Variants in SP5 observed in about 807,000 individuals in gnomAD.
SP5 encodes the protein Sp5 transcription factor.
In SP5, 12 loss-of-function variants were observed where a neutral mutation model predicts 27.4. The observed-to-expected ratio is 0.44, with a 90% CI of 0.28 to 0.71. The LOEUF (loss-of-function observed/expected upper bound fraction) is 0.71, where lower values mean the gene tolerates loss of function less well. SP5 is among the 30% of genes least tolerant of loss of function. SP5 has a pLI of 0.15. For synonymous variants in SP5, 330 were observed against 290.7 expected (o/e 1.14, Z -1.38); for missense variants, 660 against 589.8 (o/e 1.12, Z -1.23).
chr2:170,716,398 G>C lies in SP5; in HGVS notation c.191G>C (p.Gly64Ala), dbSNP rs771900463. ...CAGGTGCCCTACGACCCCGCGCTGG[G>C]CTCACCCTCCAGGCTCTTCCACCCG... is the stretch of plus-strand genomic sequence containing the variant. ...FLQVPYDPAL[G>A]SPSRLFHPWT... The change falls in exon 2 of 2, where the codon GGC becomes GCC. Residue 64 changes from glycine to alanine, a missense_variant. Physicochemically the swap from Gly to Ala is moderately conservative, Grantham distance 60. Transcript: ENST00000375281. The C allele has an allele frequency of 1.3e-6, 2 of 1,598,954 alleles. No homozygotes were observed. The highest frequency in any genetic ancestry group is 1.7e-6 in the Non-Finnish European group (2 of 1,178,900).
chr2:170,717,021 C>T lies in SP5; in HGVS notation c.814C>T (p.Arg272Cys). The part of the protein sequence containing the change: ...APLAATARRC[R>C]RCRCPNCQAA... ...CCTGGCGGCCACGGCCAGGAGGTGCCGCCGCTGCCGCTGTCCCAACTGCCA... is the reference window on the plus strand; with the variant it reads ...CCTGGCGGCCACGGCCAGGAGGTGCTGCCGCTGCCGCTGTCCCAACTGCCA... The change falls in exon 2 of 2, where the codon CGC becomes TGC. Residue 272 changes from arginine to cysteine, a missense_variant. By Grantham distance (180) the Arg-to-Cys change is radical (BLOSUM62 -3). Transcript: ENST00000375281. 1 of 1,547,202 alleles carries T rather than the reference C, an allele frequency of 6.5e-7. No homozygotes were observed. The highest frequency in any genetic ancestry group is 1.4e-5 in the African/African-American group (1 of 73,086).
In SP5 at chr2:170,717,117, G is replaced by A. The variant is rs779921916; in HGVS notation, c.910G>A (p.Gly304Ser). The change falls in exon 2 of 2, where the codon GGC becomes AGC. Residue 304 changes from glycine to serine, a missense_variant. Coordinates refer to ENST00000375281, the MANE Select transcript of SP5 (RefSeq NM_001003845.3). ...KQHVCHVPGC[G>S]KVYGKTSHLK... ...GCACGTGTGCCACGTGCCGGGCTGCGGCAAGGTGTACGGGAAGACGTCGCA... is the reference window on the plus strand; with the variant it reads ...GCACGTGTGCCACGTGCCGGGCTGCAGCAAGGTGTACGGGAAGACGTCGCA... The A allele has an allele frequency of 6.3e-7, 1 of 1,593,104 alleles. No homozygotes were observed. The highest frequency in any genetic ancestry group is 1.1e-5 in the South Asian group (1 of 88,746).
chr2:170,716,733 C>G lies in SP5; in HGVS notation c.526C>G (p.Arg176Gly), dbSNP rs759962248. ...GCCACCGCCCCCGCCGCCCACCTGC[C>G]GCCAGTTGTCACCCAACCCGGCCCC... ...PPPPPPPPTC[R>G]QLSPNPAPDD... The change falls in exon 2 of 2, where the codon CGC (arginine) becomes GGC (glycine). Residue 176 changes from arginine to glycine, a missense_variant. Coordinates refer to ENST00000375281, the MANE Select transcript of SP5 (RefSeq NM_001003845.3). The G allele has an allele frequency of 1.1e-5, 17 of 1,486,856 alleles. No homozygotes were observed. The highest frequency in any genetic ancestry group is 1.4e-5 in the Non-Finnish European group (16 of 1,126,144). 92.1% of individuals were successfully genotyped at this position (1,486,856 alleles called of 1,614,324 possible).
chr2:170,716,362 C>T lies in SP5; in HGVS notation c.155C>T (p.Pro52Leu). The change falls in exon 2 of 2, where the codon CCG (proline) becomes CTG (leucine). Residue 52 changes from proline to leucine, a missense_variant. Transcript: ENST00000375281. ...GGCCAGCCGGGCGCGGCGGCGCCCC[C>T]GGACTTCCTGCAGGTGCCCTACGAC... Reference protein sequence around the residue: ...RIGQPGAAAPPDFLQVPYDPA... With the variant: ...RIGQPGAAAPLDFLQVPYDPA... The T allele has an allele frequency of 6.3e-7, 1 of 1,596,544 alleles. No homozygotes were observed. Among genetic ancestry groups the T allele is most frequent in the Non-Finnish European group, 8.5e-7 (1 of 1,178,672 alleles).
Position 170,716,938 on chromosome 2 carries a change from C to T in SP5, c.731C>T (p.Pro244Leu), listed in dbSNP as rs1169410526. Residue 244 changes from proline (P) to leucine (L), a missense_variant, in exon 2 of 2, where the codon CCG becomes CTG. Pro to Leu is a moderately conservative substitution (Grantham distance 98). Coordinates refer to ENST00000375281, the MANE Select transcript of SP5 (RefSeq NM_001003845.3). ...CTACAAAGAGGCCTGGTGTTGGGCC[C>T]GTCGGACTTTGCGCAGTACCAGAGC... ...AALQRGLVLGPSDFAQYQSQI... is the reference protein window; with the variant it reads ...AALQRGLVLGLSDFAQYQSQI... 9 of 1,547,252 alleles carry T rather than the reference C, an allele frequency of 5.8e-6. No individual in the cohort carries two copies. In the East Asian group the frequency reaches 7.3e-5, roughly 13 times the overall value.
rs1252283651 is a variant in SP5 at position 170,716,321 on chromosome 2, C to T, written c.114C>T (p.Ala38=). Reference sequence around the variant, plus strand: ...ACTCGCCCCTGGCATTGCTGGCCGCCACCTGTAGCCGCATCGGCCAGCCGG... The same window carrying T: ...ACTCGCCCCTGGCATTGCTGGCCGCTACCTGTAGCCGCATCGGCCAGCCGG... ...GKHSPLALLA[A]TCSRIGQPGA... The change falls in exon 2 of 2, where the codon GCC becomes GCT. Residue 38 remains alanine, a synonymous_variant. Transcript: ENST00000375281. The T allele has an allele frequency of 1.4e-5, 23 of 1,595,676 alleles. No homozygotes were observed. The highest frequency in any genetic ancestry group is 3.3e-5 in the Admixed American group (2 of 59,864).
chr2:170,715,737 G>A (rs1700048758), intron 1 of SP5, 174 bp downstream of exon 1: 2 of 985,358 alleles, frequency 2.0e-6, no homozygotes, highest in Admixed American at 6.1e-5. Flanking sequence ...GGCCTTTGCT[G>A]GAGGGACGCG....
At chr2:170,715,875 G>C (rs1329946158) in intron 1 of SP5, 6 of 985,324 alleles carry the variant, frequency 6.1e-6, no homozygotes, top group Non-Finnish European at 7.2e-6. Context: ...GAGGACAAGA[G>C]AGCTTAAAAG....
intron 1 of SP5, 93 bp from the exon 2 acceptor site, chr2:170,716,166 T>G: frequency 1.4e-6 from 2 of 1,464,124 alleles, no homozygotes. Flanking sequence ...GGCGGCGGTA[T>G]AATAGCGGGC....
chr2:170,716,215 C>G (rs371132862), intron 1 of SP5, 44 bp from the exon 2 acceptor site: 541 of 1,561,306 alleles, frequency 3.5e-4, no homozygotes, highest in Non-Finnish European at 4.4e-4. Flanking sequence ...GCGCTTGGAG[C>G]TAACCTTTTG....
At position 170,716,286 on chromosome 2, in the gene SP5, C is replaced by T. The variant is rs1470990190; in HGVS notation, c.79C>T (p.Leu27=). 6.3e-7 allele frequency: 1 copy of T among 1,595,472 alleles called. No individual in the cohort carries two copies. Among genetic ancestry groups the T allele is most frequent in the Admixed American group, 1.7e-5 (1 of 59,770 alleles). The part of the protein sequence containing the change: ...QDRTPSASPD[L]GKHSPLALLA... ...CCGCACCCCCAGCGCCTCCCCGGAC[C>T]TGGGCAAGCACTCGCCCCTGGCATT... Residue 27 remains leucine, a synonymous_variant, in exon 2 of 2, where the codon CTG becomes TTG. Transcript: ENST00000375281.
At chr2:170,715,814 C>T (rs1403074686) in intron 1 of SP5, 1 of 985,228 alleles carries the variant, frequency 1.0e-6, no homozygotes, top group Non-Finnish European at 1.2e-6. Context: ...CCTGCTGGGC[C>T]CTCCTGCTGA....
At chr2:170,715,829 A>C (rs1700051853) in intron 1 of SP5, 1 of 985,216 alleles carries the variant, frequency 1.0e-6, no homozygotes, top group African/African-American at 1.7e-5. Context: ...TGCTGATTTC[A>C]GCCTGGGGCG....
chr2:170,716,726 C>T lies in SP5; in HGVS notation c.519C>T (p.Pro173=), dbSNP rs574938199. The T allele has an allele frequency of 1.7e-4, 252 of 1,488,028 alleles. 3 individuals carry two copies. The South Asian group carries it at 3.0e-3, about 18-fold the overall frequency. The allele number at this position is 1,488,028 out of a possible 1,614,324, so 92.2% of individuals were successfully genotyped here. A position where few individuals can be genotyped will look rare whatever the true frequency, so the allele number is the denominator to read the frequency against. The stretch of plus-strand genomic sequence containing the variant: ...CGCCGCCGCCACCGCCCCCGCCGCC[C>T]ACCTGCCGCCAGTTGTCACCCAACC... ...LPPPPPPPPP[P]TCRQLSPNPA... The change falls in exon 2 of 2, where the codon CCC becomes CCT. Residue 173 remains proline, a synonymous_variant. Transcript: ENST00000375281.
At position 170,717,023 on chromosome 2, in the gene SP5, C is replaced by A. The variant is rs552837504; in HGVS notation, c.816C>A (p.Arg272=). 1 of 1,547,224 alleles carries A rather than the reference C, an allele frequency of 6.5e-7. No individual in the cohort carries two copies. The highest frequency in any genetic ancestry group is 1.2e-5 in the South Asian group (1 of 83,944). ...TGGCGGCCACGGCCAGGAGGTGCCG[C>A]CGCTGCCGCTGTCCCAACTGCCAGG... ...APLAATARRC[R]RCRCPNCQAA... Residue 272 remains arginine, a synonymous_variant, in exon 2 of 2, where the codon CGC becomes CGA. Transcript: ENST00000375281.
chr2:170,717,481 G>A lies in SP5; in HGVS notation c.*77G>A. 6.5e-7 allele frequency: 1 copy of A among 1,539,772 alleles called. No individual in the cohort carries two copies. On this transcript the variant is annotated 3_prime_UTR_variant, in exon 2 of 2. Coordinates refer to ENST00000375281, the MANE Select transcript of SP5 (RefSeq NM_001003845.3). ...ACCTGTGGGCAGCTGGCGGAGGGGA[G>A]ACTCAGCAGACGGACCCTCTCCGTT...
chr2:170,717,037 C>G lies in SP5; in HGVS notation c.830C>G (p.Pro277Arg). 1 of 1,548,440 alleles carries G rather than the reference C, an allele frequency of 6.5e-7. No homozygotes were observed. The highest frequency in any genetic ancestry group is 8.7e-7 in the Non-Finnish European group (1 of 1,146,824). ...TARRCRRCRC[P>R]NCQAAGGAPE... ...AGGAGGTGCCGCCGCTGCCGCTGTC[C>G]CAACTGCCAGGCGGCGGGCGGCGCC... Residue 277 changes from proline to arginine, a missense_variant, in exon 2 of 2, where the codon CCC becomes CGC. Pro to Arg is a moderately radical substitution (Grantham distance 103). Transcript: ENST00000375281.
chr2:170,716,180 G>A, intron 1 of SP5, 79 bp from the exon 2 acceptor site: 1 of 1,496,142 alleles, frequency 6.7e-7, no homozygotes, highest in South Asian at 1.3e-5. Flanking sequence ...AGCGGGCGTG[G>A]GGGCGGCGGG....
rs1700096690 is a variant in SP5, at chr2:170,717,513, C to G, written c.*109C>G. The G allele has an allele frequency of 7.1e-7, 1 of 1,408,498 alleles. No homozygotes were observed. Among genetic ancestry groups the G allele is most frequent in the African/African-American group, 1.4e-5 (1 of 69,032 alleles). 87.3% of individuals were successfully genotyped at this position (1,408,498 alleles called of 1,614,324 possible). On this transcript the variant is annotated 3_prime_UTR_variant, in exon 2 of 2. Coordinates refer to ENST00000375281, the MANE Select transcript of SP5 (RefSeq NM_001003845.3). ...CAGACGGACCCTCTCCGTTGCCTGC[C>G]TCCCAAAATGGAGCCAGGCTTCCAA... is the stretch of plus-strand genomic sequence containing the variant.
Sources: gnomAD v4.1 joint callset for allele counts on GRCh38, gnomAD v4.1.1 for gene constraint, MANE v1.5 for transcripts, NCBI Gene and HGNC (gene_info 2026-07-23, HGNC 2026-07-21) for gene names.